The following KMT2E variants were observed in gnomAD, a reference collection of about 807,000 sequenced individuals.
The protein encoded by KMT2E is lysine methyltransferase 2E (inactive).
In KMT2E, 30 loss-of-function variants were observed where a neutral mutation model predicts 184.6. That is an observed-to-expected ratio of 0.16 (90% CI 0.12 to 0.22). The LOEUF is 0.22. Among genes scored for constraint, KMT2E ranks in the 10% least tolerant of loss-of-function variants. The probability of loss-of-function intolerance (pLI) is 1.00; values close to 1 mark genes in which losing one functional copy is unlikely to be tolerated. For synonymous variants in KMT2E, 815 were observed against 776.5 expected (o/e 1.05, Z -0.82); for missense variants, 2,023 against 2,237.4 (o/e 0.90, Z 1.93).
intron 3 of KMT2E, among the ~76,000 whole-genome samples, chr7:105,042,915 C>T (rs559148982): frequency 8.5e-5 from 13 of 152,220 alleles, no homozygotes; most frequent in East Asian, 5.8e-4. Flanking sequence ...CAATAACATA[C>T]ACTGGCTATG....
rs140743942 is a variant in KMT2E, at chr7:105,089,796, T to TA, written c.1359-212dup. ...GTTATACTTATGATTGAAGGCCTAA[T>TA]ATCTGGTCAGAAATCAACATCTAAT... is the stretch of plus-strand genomic sequence containing the variant. On this transcript the variant is annotated intron_variant, in intron 13 of 26. Transcript: ENST00000311117. Among the ~76,000 whole-genome samples, 524 of 152,242 alleles carry TA rather than the reference T, an allele frequency of 3.4e-3. 6 individuals carry two copies. Among genetic ancestry groups the TA allele is most frequent in the Middle Eastern group, 0.017 (5 of 294 alleles).
chr7:105,049,171 G>C (rs556382872), intron 3 of KMT2E, among the ~76,000 whole-genome samples: 1 of 152,166 alleles, frequency 6.6e-6, no homozygotes, highest in Non-Finnish European at 1.5e-5. Context: ...CTGGCCAGGC[G>C]TGGTGGCTCA....
intron 8 of KMT2E, among the ~76,000 whole-genome samples, chr7:105,075,369 G>A (rs538466260): frequency 6.6e-6 from 1 of 152,076 alleles, no homozygotes; most frequent in Non-Finnish European, 1.5e-5. Flanking sequence ...TTCAGATCTG[G>A]CAGATGAGTG....
intron 5 of KMT2E, 47 bp downstream of exon 5, chr7:105,063,627 C>A (rs1796909155): frequency 1.6e-6 from 2 of 1,269,924 alleles, no homozygotes; most frequent in South Asian, 1.5e-5. Context: ...ATGCTGATAA[C>A]CTTTGGTAAT....
In KMT2E at chr7:105,091,264, G is replaced by C; in HGVS notation, c.1672G>C (p.Glu558Gln). 6.2e-7 allele frequency: 1 copy of C among 1,606,262 alleles called. No individual in the cohort carries two copies. The highest frequency in any genetic ancestry group is 8.5e-7 in the Non-Finnish European group (1 of 1,173,252). The change falls in exon 15 of 27, where the codon GAA becomes CAA. Residue 558 changes from glutamate to glutamine, a missense_variant. Glu to Gln is a conservative substitution (Grantham distance 29, BLOSUM62 2). Coordinates refer to ENST00000311117, the MANE Select transcript of KMT2E (RefSeq NM_182931.3). ...AGAAGAAAAAACTCCTATTAGTAATGAAGTAGAAATGGAATCAGAGGAGCA... is the reference window on the plus strand; with the variant it reads ...AGAAGAAAAAACTCCTATTAGTAATCAAGTAGAAATGGAATCAGAGGAGCA... The part of the protein sequence containing the change: ...DIEEKTPISN[E>Q]VEMESEEQIA...
intron 1 of KMT2E, among the ~76,000 whole-genome samples, chr7:105,023,402 C>CAAAAAAAAAAAA (rs1158885663): frequency 1.3e-4 from 7 of 55,910 alleles, no homozygotes; most frequent in Non-Finnish European, 2.4e-4. Flanking sequence ...GACTCTGTCT[C>CAAAAAAAAAAAA]AAAAAAAAAA....
chr7:105,053,940 A>G (rs1034827539), intron 3 of KMT2E, among the ~76,000 whole-genome samples: 1 of 152,198 alleles, frequency 6.6e-6, no homozygotes, highest in African/African-American at 2.4e-5. Context: ...TTGCGAGCCA[A>G]GGTGGGCAGA....
intron 22 of KMT2E, 49 bp downstream of exon 22, chr7:105,107,974 T>TC: frequency 7.9e-7 from 1 of 1,263,958 alleles, no homozygotes; most frequent in Non-Finnish European, 1.1e-6. Context: ...TTTTTTTTTT[T>TC]TCATAATACT....
chr7:105,067,066 T>TAAAA (rs11457088), intron 6 of KMT2E, among the ~76,000 whole-genome samples: 2 of 115,470 alleles, frequency 1.7e-5, no homozygotes, highest in Admixed American at 1.0e-4. Flanking sequence ...CTTTTTTTTT[T>TAAAA]AAAAAAAAAA....
At chr7:105,106,895 C>T in intron 20 of KMT2E, 123 bp downstream of exon 20, 1 of 992,730 alleles carries the variant, frequency 1.0e-6, no homozygotes, top group South Asian at 1.7e-5. Flanking sequence ...TTGTAAGAAA[C>T]TAAAAATCAG....
intron 7 of KMT2E, among the ~76,000 whole-genome samples, chr7:105,074,384 G>A (rs978872453): frequency 3.9e-5 from 6 of 152,100 alleles, no homozygotes; most frequent in African/African-American, 7.2e-5. Context: ...ATTTCCACTC[G>A]TAGTGTATGA....
intron 15 of KMT2E, among the ~76,000 whole-genome samples, chr7:105,092,104 T>TA (rs974996026): frequency 6.6e-6 from 1 of 152,148 alleles, no homozygotes; most frequent in African/African-American, 2.4e-5. Context: ...TCACGTCACA[T>TA]ATTTAAGGGT....
chr7:105,073,193 G>C (rs539940828), intron 6 of KMT2E, among the ~76,000 whole-genome samples: 1 of 146,968 alleles, frequency 6.8e-6, no homozygotes, highest in South Asian at 2.1e-4. Context: ...AGGATCACTT[G>C]ATCCAGGAGT....
intron 1 of KMT2E, among the ~76,000 whole-genome samples, chr7:105,023,411 A>AAAAAAAAAC: frequency 6.6e-6 from 1 of 150,536 alleles, no homozygotes; most frequent in South Asian, 2.1e-4. Flanking sequence ...TCAAAAAAAA[A>AAAAAAAAAC]AAAAAAAAAA....
Position 105,106,571 on chromosome 7 carries a change from G to A in KMT2E, c.2646G>A (p.Ser882=). ...KKRRFYQLLD[S]VYSETSTPTP... ...GAAGATTTTATCAGTTGCTAGATTC[G>A]GTTTACTCAGAAACCTCCACACCTA... Residue 882 remains serine, a synonymous_variant, in exon 20 of 27, where the codon TCG becomes TCA. Transcript: ENST00000311117. 1 of 1,612,570 alleles carries A rather than the reference G, an allele frequency of 6.2e-7. No individual in the cohort carries two copies. Among genetic ancestry groups the A allele is most frequent in the Non-Finnish European group, 8.5e-7 (1 of 1,178,740 alleles).
rs1799493097 is a variant in KMT2E at position 105,114,233 on chromosome 7, T to C, written c.*900T>C. ...AGGCAGCAAGGGGCTGTTCCTGTGG[T>C]GGTTTCTGTTTGCATTTTTGCAGGA... On this transcript the variant is annotated 3_prime_UTR_variant, in exon 27 of 27. Transcript: ENST00000311117. The C allele has an allele frequency of 6.6e-6, 1 of 152,184 alleles. No homozygotes were observed. The allele number at this position is 152,184 out of a possible 1,614,324, so 9.4% of individuals were successfully genotyped here.
rs1392958934 is a variant in KMT2E, at chr7:105,110,559, G to A, written c.3927G>A (p.Leu1309=). 10 of 1,614,112 alleles carry A rather than the reference G, an allele frequency of 6.2e-6. No individual in the cohort carries two copies. Among genetic ancestry groups the A allele is most frequent in the South Asian group, 1.1e-5 (1 of 91,078 alleles). ...CTCATTCAAATCACATACCCCAGTT[G>A]CAAGCTAAGGGCCCAGTCCCTTCTT... ...PSSHSNHIPQ[L]QAKGPVPSFS... The change falls in exon 25 of 27, where the codon TTG becomes TTA. Residue 1309 remains leucine, a synonymous_variant. Transcript: ENST00000311117.
At chr7:105,043,786 T>G (rs1043488432) in intron 3 of KMT2E, among the ~76,000 whole-genome samples, 1 of 152,222 alleles carries the variant, frequency 6.6e-6, no homozygotes, top group Non-Finnish European at 1.5e-5. Context: ...TTTTTAAGAA[T>G]AGAAATATTA....
chr7:105,110,466 T>G lies in KMT2E; in HGVS notation c.3845-11T>G. On this transcript the variant is annotated splice_polypyrimidine_tract_variant and intron_variant, in intron 24 of 26. Transcript: ENST00000311117. ...AATGTTCTCTTTGGGTCTGCTCTGC[T>G]TCATCTCTAGGGGGAGAATCACCAT... 1 of 1,614,180 alleles carries G rather than the reference T, an allele frequency of 6.2e-7. No homozygotes were observed. Among genetic ancestry groups the G allele is most frequent in the Non-Finnish European group, 8.5e-7 (1 of 1,180,014 alleles).
Sources: gnomAD v4.1 joint callset for allele counts (sites outside exome capture counted in the v4.1 genomes callset) on GRCh38, gnomAD v4.1.1 for gene constraint, MANE v1.5 for transcripts, NCBI Gene and HGNC (gene_info 2026-07-23, HGNC 2026-07-21) for gene names.